ELAPOR2: variants seen among roughly 807,000 people sequenced by gnomAD.
ELAPOR2 encodes endosome-lysosome associated apoptosis and autophagy regulator family member 2.
In ELAPOR2, 89 loss-of-function variants were observed where a neutral mutation model predicts 120.7. The observed-to-expected ratio is 0.74, with a 90% CI of 0.62 to 0.88. The LOEUF is 0.88. Ranked by LOEUF, ELAPOR2 falls within the 40% of genes least tolerant of loss-of-function variation. The pLI is 0.00. For missense variants in ELAPOR2, 1,134 were observed against 1,251.6 expected, an observed-to-expected ratio of 0.91 and a Z score of 1.42; for synonymous variants, 444 against 444.9, an observed-to-expected ratio of 1.00 and a Z score of 0.03.
intron 1 of ELAPOR2, among the ~76,000 whole-genome samples, chr7:87,055,714 G>C (rs1365383139): frequency 3.9e-5 from 6 of 151,954 alleles, no homozygotes; most frequent in African/African-American, 1.2e-4. Flanking sequence ...TTCTTTCATG[G>C]CTTCAAATCA....
intron 1 of ELAPOR2, among the ~76,000 whole-genome samples, chr7:87,049,125 G>T (rs1795031270): frequency 6.6e-6 from 1 of 152,034 alleles, no homozygotes; most frequent in Admixed American, 6.5e-5. Context: ...GTAGTGTCTT[G>T]TTATCTATAT....
rs115860203 is a variant in ELAPOR2, at chr7:87,049,645, A to G, written c.189+9680T>C. Among the ~76,000 whole-genome samples the G allele has an allele frequency of 5.3e-3, 806 of 152,318 alleles. 7 individuals are homozygous for G. Among genetic ancestry groups the G allele is most frequent in the African/African-American group, 0.018 (768 of 41,570 alleles). Reference sequence around the variant, plus strand: ...ACAATTGAGTAGAAACCTGAAGTGCATGAGGGACAAAGCCAAGTAAATACC... The same window carrying G: ...ACAATTGAGTAGAAACCTGAAGTGCGTGAGGGACAAAGCCAAGTAAATACC... On this transcript the variant is annotated intron_variant, in intron 1 of 21. Coordinates refer to ENST00000450689, the MANE Select transcript of ELAPOR2 (RefSeq NM_001142749.3).
chr7:86,935,043 T>A lies in ELAPOR2; in HGVS notation c.1089+3083A>T, dbSNP rs146527747. 8.1e-4 allele frequency among the ~76,000 whole-genome samples: 124 copies of A among 152,182 alleles called. 1 individual carries two copies. The highest frequency in any genetic ancestry group is 2.9e-3 in the African/African-American group (122 of 41,560). On this transcript the variant is annotated intron_variant, in intron 8 of 21. Transcript: ENST00000450689. Reference sequence around the variant, plus strand: ...AGAAGGGCATTATGAGACTTCTAAGTGTTCATTCATATCCTCTCTAGTCCC... The same window carrying A: ...AGAAGGGCATTATGAGACTTCTAAGAGTTCATTCATATCCTCTCTAGTCCC...
chr7:87,059,445 G>A lies in ELAPOR2; in HGVS notation c.69C>T (p.Arg23=), dbSNP rs1795364974. ...CGGGGCTCCAGGGCGGCGAGCGCCCGCGGCGGGGAGCCTCCGCCGGCCGCC... is the reference window on the plus strand; with the variant it reads ...CGGGGCTCCAGGGCGGCGAGCGCCCACGGCGGGGAGCCTCCGCCGGCCGCC... ...GWGRPAEAPR[R]GRSPPWSPAW... is the part of the protein sequence containing the mutation. The change falls in exon 1 of 22, where the codon CGC becomes CGT. Residue 23 remains arginine, a synonymous_variant. Coordinates refer to ENST00000450689, the MANE Select transcript of ELAPOR2 (RefSeq NM_001142749.3). The A allele has an allele frequency of 1.6e-6, 2 of 1,228,310 alleles. No homozygotes were observed. Among genetic ancestry groups the A allele is most frequent in the African/African-American group, 1.6e-5 (1 of 64,058 alleles). The allele number at this position is 1,228,310 out of a possible 1,614,324, so 76.1% of individuals were successfully genotyped here.
In ELAPOR2 at chr7:86,928,996, A is replaced by G. The variant is rs116997489; in HGVS notation, c.1090-2080T>C. Among the ~76,000 whole-genome samples, 1,126 of 152,052 alleles carry G rather than the reference A, an allele frequency of 7.4e-3. 37 individuals carry two copies. Among genetic ancestry groups the G allele is most frequent in the East Asian group, 0.064 (331 of 5,140 alleles). On this transcript the variant is annotated intron_variant, in intron 8 of 21. Coordinates refer to ENST00000450689, the MANE Select transcript of ELAPOR2 (RefSeq NM_001142749.3). ...GGCTTCCAGTGCAGATGAAAAACCA[A>G]TAATCAATTCATTCTTTGGCAAGTT...
chr7:86,898,522 G>A (rs1324250797), intron 18 of ELAPOR2, among the ~76,000 whole-genome samples: 1 of 136,810 alleles, frequency 7.3e-6, no homozygotes, highest in Non-Finnish European at 1.5e-5. Context: ...TTTCTATAAA[G>A]GTTTTTGTTT....
At chr7:87,039,506 A>C (rs913114695) in intron 1 of ELAPOR2, among the ~76,000 whole-genome samples, 1 of 152,220 alleles carries the variant, frequency 6.6e-6, no homozygotes, top group Non-Finnish European at 1.5e-5. Flanking sequence ...AAAAATCCTC[A>C]ACAAAATACT....
intron 8 of ELAPOR2, among the ~76,000 whole-genome samples, chr7:86,930,948 C>T (rs1210796183): frequency 1.3e-5 from 2 of 151,930 alleles, no homozygotes; most frequent in East Asian, 3.9e-4. Flanking sequence ...AAGAATTAGG[C>T]AAACTGCTCT....
chr7:86,926,645 C>G, intron 9 of ELAPOR2, 91 bp downstream of exon 9: 1 of 1,280,700 alleles, frequency 7.8e-7, no homozygotes, highest in East Asian at 2.5e-5. Flanking sequence ...TCTGTAACCA[C>G]TTTCCATAAA....
chr7:86,993,257 G>GA (rs1348085378), intron 1 of ELAPOR2, among the ~76,000 whole-genome samples: 14 of 117,868 alleles, frequency 1.2e-4, no homozygotes, highest in African/African-American at 2.4e-4. Context: ...AAAAGAAAAA[G>GA]AAAAGAAAAG....
chr7:87,017,005 A>T (rs1793890861), intron 1 of ELAPOR2, among the ~76,000 whole-genome samples: 1 of 152,146 alleles, frequency 6.6e-6, no homozygotes, highest in African/African-American at 2.4e-5. Flanking sequence ...TCTTACATTC[A>T]TTTTCCACAG....
At chr7:87,051,872 T>A (rs539682578) in intron 1 of ELAPOR2, among the ~76,000 whole-genome samples, 2 of 152,266 alleles carry the variant, frequency 1.3e-5, no homozygotes, top group Non-Finnish European at 2.9e-5. Context: ...CATATTTGTG[T>A]CTTCTATCAG....
intron 18 of ELAPOR2, among the ~76,000 whole-genome samples, chr7:86,900,876 C>A (rs1339144982): frequency 6.6e-6 from 1 of 152,032 alleles, no homozygotes; most frequent in African/African-American, 2.4e-5. Context: ...TTTCTCCTAC[C>A]AAGAAAACAG....
intron 10 of ELAPOR2, among the ~76,000 whole-genome samples, chr7:86,922,600 T>C (rs1789881121): frequency 6.6e-6 from 1 of 151,942 alleles, no homozygotes; most frequent in Admixed American, 6.6e-5. Context: ...CATTATTTCA[T>C]AAGCACTTTT....
chr7:86,935,504 A>C (rs77552761), intron 8 of ELAPOR2, among the ~76,000 whole-genome samples: 3,630 of 152,094 alleles, frequency 0.024, 135 homozygotes, highest in African/African-American at 0.083. Flanking sequence ...AATTCATTTT[A>C]TTTGATTGAC....
At chr7:86,938,775 GAAA>G in intron 7 of ELAPOR2, 30 bp downstream of exon 7, 1 of 1,606,552 alleles carries the variant, frequency 6.2e-7, no homozygotes. Context: ...CATACATTTA[GAAA>G]GAAAAAAGCA....
chr7:86,916,229 G>A (rs1789562166), intron 12 of ELAPOR2, among the ~76,000 whole-genome samples: 1 of 152,166 alleles, frequency 6.6e-6, no homozygotes, highest in Admixed American at 6.6e-5. Flanking sequence ...CATAATTAAA[G>A]CAGGGATTTT....
intron 1 of ELAPOR2, among the ~76,000 whole-genome samples, chr7:86,995,121 C>A (rs904289725): frequency 6.6e-6 from 1 of 152,172 alleles, no homozygotes; most frequent in African/African-American, 2.4e-5. Context: ...TCAAGCGTCA[C>A]CTTCAGGCAA....
intron 21 of ELAPOR2, 51 bp downstream of exon 21, chr7:86,891,673 C>T: frequency 6.7e-7 from 1 of 1,491,106 alleles, no homozygotes; most frequent in South Asian, 1.3e-5. Context: ...GGTTAATATG[C>T]CCTCTACTTT....
Sources: gnomAD v4.1 joint callset for allele counts (sites outside exome capture counted in the v4.1 genomes callset) on GRCh38, gnomAD v4.1.1 for gene constraint, MANE v1.5 for transcripts, NCBI Gene and HGNC (gene_info 2026-07-23, HGNC 2026-07-21) for gene names.